The following SAMD12 variants were observed in gnomAD, a reference collection of about 807,000 sequenced individuals.
SAMD12 encodes sterile alpha motif domain containing 12, also known as sterile alpha motif domain-containing protein 12.
Under a neutral mutation model 15.0 loss-of-function variants are expected in SAMD12, and 9 were observed. The observed-to-expected ratio is 0.60, with a 90% CI of 0.36 to 1.05. SAMD12 has a LOEUF of 1.05. Ranked by LOEUF, SAMD12 falls within the 50% of genes least tolerant of loss-of-function variation. The pLI, the probability that SAMD12 is intolerant of heterozygous loss-of-function variation, is 0.01. For missense variants in SAMD12, 230 were observed against 234.2 expected (o/e 0.98, Z 0.12); for synonymous variants, 86 against 90.1 (o/e 0.96, Z 0.25).
intron 2 of SAMD12, among the ~76,000 whole-genome samples, chr8:118,513,316 A>C (rs1418274175): frequency 6.6e-6 from 1 of 152,230 alleles, no homozygotes; most frequent in Non-Finnish European, 1.5e-5. Context: ...AAAACATTTT[A>C]AAGGAAATGG....
intron 2 of SAMD12, among the ~76,000 whole-genome samples, chr8:118,452,525 A>G (rs1193314374): frequency 6.6e-6 from 1 of 152,208 alleles, no homozygotes; most frequent in African/African-American, 2.4e-5. Context: ...ACTTTTATTT[A>G]TATAAACTTT....
chr8:118,381,993 G>C (rs73327521), intron 3 of SAMD12, among the ~76,000 whole-genome samples: 7,463 of 152,224 alleles, frequency 0.049, 596 homozygotes, highest in African/African-American at 0.17. Context: ...TGCCTGGCTT[G>C]CAGGATAGCC....
Position 118,460,101 on chromosome 8 carries a change from G to A in SAMD12, c.193-20140C>T, listed in dbSNP as rs1823371608. Among the ~76,000 whole-genome samples the A allele has an allele frequency of 3.9e-5, 6 of 152,150 alleles. No homozygotes were observed. The South Asian group carries it at 1.2e-3, about 32-fold the overall frequency. Reference sequence around the variant, plus strand: ...TACTTCCAATGATAATATGGCCTCTGATCTGTTCTGAATTCTAATACAGTA... The same window carrying A: ...TACTTCCAATGATAATATGGCCTCTAATCTGTTCTGAATTCTAATACAGTA... On this transcript the variant is annotated intron_variant, in intron 2 of 3. Coordinates refer to ENST00000314727, the MANE Select transcript of SAMD12 (RefSeq NM_207506.3).
intron 2 of SAMD12, among the ~76,000 whole-genome samples, chr8:118,538,226 A>AG (rs2131142199): frequency 6.6e-6 from 1 of 151,564 alleles, no homozygotes; most frequent in Non-Finnish European, 1.5e-5. Flanking sequence ...GGGATTGGGG[A>AG]GGGGTGGTGC....
In SAMD12 at chr8:118,293,247, C is replaced by T. The variant is rs1030692365; in HGVS notation, c.433+86313G>A. On this transcript the variant is annotated intron_variant, in intron 4 of 4. Coordinates refer to the SAMD12 transcript ENST00000409003. ...CCAGACCTAGTCCCCTAAGTTTATACAAGAGATGCTGAAATTTACAACAGG... is the reference window on the plus strand; with the variant it reads ...CCAGACCTAGTCCCCTAAGTTTATATAAGAGATGCTGAAATTTACAACAGG... Among the ~76,000 whole-genome samples the T allele has an allele frequency of 3.3e-5, 5 of 152,064 alleles. No individual in the cohort carries two copies. The East Asian group carries it at 7.7e-4, about 23-fold the overall frequency.
chr8:118,210,769 A>T (rs1023690879), intron 4 of SAMD12, among the ~76,000 whole-genome samples: 18 of 152,110 alleles, frequency 1.2e-4, no homozygotes, highest in Non-Finnish European at 2.1e-4. Flanking sequence ...TTCTGCCCAA[A>T]TTCTACCCTT....
chr8:118,209,493 C>T (rs779452500), intron 4 of SAMD12, among the ~76,000 whole-genome samples: 18 of 152,186 alleles, frequency 1.2e-4, no homozygotes, highest in Non-Finnish European at 1.9e-4. Flanking sequence ...TGCTATAAAA[C>T]TGTGTGGACT....
At chr8:118,161,330 T>A in the SAMD12 span, among the ~76,000 whole-genome samples, 1 of 152,128 alleles carries the variant, frequency 6.6e-6, no homozygotes, top group African/African-American at 2.4e-5. Context: ...ATGCCTATAA[T>A]CCCAGCACTT....
At position 118,318,326 on chromosome 8, in the gene SAMD12, A is replaced by G. The variant is rs1016487324; in HGVS notation, c.433+61234T>C. 7.4e-3 allele frequency among the ~76,000 whole-genome samples: 260 copies of G among 34,986 alleles called. 6 individuals carry two copies. The highest frequency in any genetic ancestry group is 0.042 in the Middle Eastern group (2 of 48). 23.0% of individuals were successfully genotyped at this position (34,986 alleles called of 152,430 possible). A position where few individuals can be genotyped will look rare whatever the true frequency, so the allele number is the denominator to read the frequency against. On this transcript the variant is annotated intron_variant, in intron 4 of 4. Coordinates refer to the SAMD12 transcript ENST00000409003. ...GATATATGTGTATATATATATATATATATATATATATATATATATATATAT... is the reference window on the plus strand; with the variant it reads ...GATATATGTGTATATATATATATATGTATATATATATATATATATATATAT...
chr8:118,513,298 T>C (rs74407024), intron 2 of SAMD12, among the ~76,000 whole-genome samples: 1 of 152,116 alleles, frequency 6.6e-6, no homozygotes, highest in Non-Finnish European at 1.5e-5. Flanking sequence ...TAAAGATGAA[T>C]AGAGTTGAAA....
intron 4 of SAMD12, among the ~76,000 whole-genome samples, chr8:118,209,581 T>C (rs1819960908): frequency 6.6e-6 from 1 of 152,178 alleles, no homozygotes; most frequent in South Asian, 2.1e-4. Flanking sequence ...TGGGGACCCT[T>C]GTGATTAATT....
At chr8:118,455,935 C>T (rs1263827742) in intron 2 of SAMD12, among the ~76,000 whole-genome samples, 1 of 152,218 alleles carries the variant, frequency 6.6e-6, no homozygotes, top group African/African-American at 2.4e-5. Context: ...GCAACTATTT[C>T]TCACCTAGAC....
At chr8:118,318,327 T>TATATATATATATAC (rs1563758916) in intron 4 of SAMD12, among the ~76,000 whole-genome samples, 63 of 35,064 alleles carry the variant, frequency 1.8e-3, no homozygotes, top group Non-Finnish European at 3.4e-3. Flanking sequence ...TATATATATA[T>TATATATATATATAC]ATATATATAT....
intron 4 of SAMD12, among the ~76,000 whole-genome samples, chr8:118,356,616 C>T (rs565477121): frequency 2.6e-5 from 4 of 152,132 alleles, no homozygotes; most frequent in African/African-American, 7.2e-5. Context: ...CGCACCACTC[C>T]GATGGCATAC....
intron 2 of SAMD12, among the ~76,000 whole-genome samples, chr8:118,467,908 A>G (rs1015948662): frequency 6.6e-6 from 1 of 152,198 alleles, no homozygotes; most frequent in Admixed American, 6.5e-5. Context: ...CAAAAGACTC[A>G]TGGCATTATG....
chr8:118,292,002 G>C (rs1163302613), intron 4 of SAMD12, among the ~76,000 whole-genome samples: 1 of 150,902 alleles, frequency 6.6e-6, no homozygotes, highest in African/African-American at 2.4e-5. Flanking sequence ...ATATAAAAGA[G>C]GAAAAGTGCT....
At chr8:118,578,818 G>C (rs1300895456) in intron 2 of SAMD12, among the ~76,000 whole-genome samples, 1 of 152,110 alleles carries the variant, frequency 6.6e-6, no homozygotes, top group Non-Finnish European at 1.5e-5. Context: ...CCTCTAGTCT[G>C]TTCACCCCTA....
At chr8:118,504,558 C>G (rs1824873391) in intron 2 of SAMD12, among the ~76,000 whole-genome samples, 1 of 152,158 alleles carries the variant, frequency 6.6e-6, no homozygotes, top group Non-Finnish European at 1.5e-5. Context: ...ATGTCTTAAT[C>G]CCTGTAGCCT....
At chr8:118,413,235 T>A (rs1371730887) in intron 3 of SAMD12, among the ~76,000 whole-genome samples, 1 of 152,160 alleles carries the variant, frequency 6.6e-6, no homozygotes, top group African/African-American at 2.4e-5. Flanking sequence ...TATTTATTGT[T>A]TTAAGCCACT....
Sources: gnomAD v4.1 joint callset for allele counts (sites outside exome capture counted in the v4.1 genomes callset) on GRCh38, gnomAD v4.1.1 for gene constraint, MANE v1.5 for transcripts, NCBI Gene and HGNC (gene_info 2026-07-23, HGNC 2026-07-21) for gene names.